Variants in TNRC6A observed in about 807,000 individuals in gnomAD.
TNRC6A encodes trinucleotide repeat-containing gene 6A protein.
A neutral mutation model predicts 221.2 loss-of-function variants in TNRC6A; 44 were observed. The observed-to-expected ratio is 0.20, with a 90% confidence interval of 0.16 to 0.26. The LOEUF (loss-of-function observed/expected upper bound fraction) is 0.26, where lower values mean the gene tolerates loss of function less well. TNRC6A is among the 10% of genes least tolerant of loss of function. The probability of loss-of-function intolerance (pLI) is 1.00; values close to 1 mark genes in which losing one functional copy is unlikely to be tolerated. For synonymous variants in TNRC6A, 847 were observed against 838.5 expected (o/e 1.01, Z -0.18); for missense variants, 2,199 against 2,404.4 (o/e 0.91, Z 1.79).
chr16:24,613,106 ACT>A (rs10584024), intron 1 of TNRC6A, among the ~76,000 whole-genome samples: 32,909 of 126,016 alleles, frequency 0.26, 4,523 homozygotes, highest in Middle Eastern at 0.35. Flanking sequence ...ACAGAGTGAG[ACT>A]CTGTCTCAAA....
chr16:24,729,607 A>G, upstream of TNRC6A: 2 of 414,934 alleles, frequency 4.8e-6, no homozygotes, highest in Non-Finnish European at 8.2e-6. Context: ...CTTGGGGGCC[A>G]GTGGCCGTGG....
At chr16:24,623,206 A>AT (rs368720787) in intron 1 of TNRC6A, among the ~76,000 whole-genome samples, 4,543 of 145,850 alleles carry the variant, frequency 0.031, 241 homozygotes, top group African/African-American at 0.11. Context: ...TATTTTATTT[A>AT]TTTTTTTTTT....
At chr16:24,763,111 G>C (rs2057398382) in intron 4 of TNRC6A, among the ~76,000 whole-genome samples, 1 of 152,112 alleles carries the variant, frequency 6.6e-6, no homozygotes, top group Non-Finnish European at 1.5e-5. Flanking sequence ...AAATGAACAA[G>C]AGTTTTGAGA....
intron 15 of TNRC6A, 67 bp from the exon 16 acceptor site, chr16:24,806,139 C>T: frequency 1.9e-6 from 3 of 1,578,052 alleles, no homozygotes; most frequent in South Asian, 1.1e-5. Flanking sequence ...CATCTGCTGT[C>T]GTCATTTGGA....
intron 2 of TNRC6A, among the ~76,000 whole-genome samples, chr16:24,644,632 T>G (rs1902181116): frequency 6.6e-6 from 1 of 152,050 alleles, no homozygotes; most frequent in South Asian, 2.1e-4. Flanking sequence ...TGTTTGTTTT[T>G]TGTAGAGTCA....
intron 4 of TNRC6A, among the ~76,000 whole-genome samples, chr16:24,759,781 T>G (rs2057324752): frequency 6.6e-6 from 1 of 152,070 alleles, no homozygotes; most frequent in Non-Finnish European, 1.5e-5. Flanking sequence ...GTGACAGATG[T>G]GTGAGGGATA....
At chr16:24,678,079 G>T (rs958570238) in intron 2 of TNRC6A, among the ~76,000 whole-genome samples, 6 of 152,246 alleles carry the variant, frequency 3.9e-5, no homozygotes, top group African/African-American at 1.4e-4. Flanking sequence ...GGAGGCCGAG[G>T]TGGGTGAATT....
chr16:24,806,405 A>G (rs1181484942), intron 16 of TNRC6A, 122 bp downstream of exon 16: 7 of 1,386,382 alleles, frequency 5.0e-6, no homozygotes, highest in Non-Finnish European at 5.9e-6. Context: ...GTAATGCAGT[A>G]TGTTTTTCAT....
intron 1 of TNRC6A, among the ~76,000 whole-genome samples, chr16:24,625,862 A>T (rs1900958378): frequency 6.6e-6 from 1 of 151,920 alleles, no homozygotes; most frequent in Non-Finnish European, 1.5e-5. Flanking sequence ...CAGTGAGCCG[A>T]GATCGCACCA....
intron 18 of TNRC6A, among the ~76,000 whole-genome samples, chr16:24,813,112 A>G (rs375296693): frequency 2.0e-5 from 3 of 151,990 alleles, no homozygotes; most frequent in East Asian, 3.9e-4. Flanking sequence ...CCTGAGCTCA[A>G]GTGATCCACC....
At chr16:24,682,898 A>G (rs114390242) in intron 2 of TNRC6A, among the ~76,000 whole-genome samples, 1,631 of 152,332 alleles carry the variant, frequency 0.011, 35 homozygotes, top group African/African-American at 0.037. Context: ...CAAGGCGTAC[A>G]CCAAGTGTTC....
At chr16:24,620,448 A>C (rs1354974945) in intron 1 of TNRC6A, among the ~76,000 whole-genome samples, 4 of 152,098 alleles carry the variant, frequency 2.6e-5, no homozygotes, top group Non-Finnish European at 5.9e-5. Flanking sequence ...CAAGTCAAAG[A>C]GTTTAGGCTT....
At chr16:24,784,164 G>A (rs575171845) in intron 5 of TNRC6A, among the ~76,000 whole-genome samples, 23 of 152,198 alleles carry the variant, frequency 1.5e-4, no homozygotes, top group African/African-American at 5.5e-4. Flanking sequence ...ACCACACCCG[G>A]TTAATTTTTG....
rs541227299 is a variant in TNRC6A, at chr16:24,766,514, C to T, written c.163+8154C>T. Among the ~76,000 whole-genome samples, 5 of 152,178 alleles carry T rather than the reference C, an allele frequency of 3.3e-5. No individual in the cohort carries two copies. In the South Asian group the frequency reaches 1.0e-3, roughly 32 times the overall value. ...CTTCCCATTAAAGTAGAACCCAGCCCAGCAAAGGTGAATCACAGTGCAGTG... is the reference window on the plus strand; with the variant it reads ...CTTCCCATTAAAGTAGAACCCAGCCTAGCAAAGGTGAATCACAGTGCAGTG... On this transcript the variant is annotated intron_variant, in intron 4 of 24. Transcript: ENST00000395799.
chr16:24,671,982 TA>T (rs1345667773), intron 2 of TNRC6A, among the ~76,000 whole-genome samples: 3 of 152,172 alleles, frequency 2.0e-5, no homozygotes, highest in African/African-American at 7.2e-5. Context: ...AAAACAGTCA[TA>T]AAAAGACATT....
At chr16:24,753,533 G>A (rs993256432) in intron 3 of TNRC6A, among the ~76,000 whole-genome samples, 1 of 152,208 alleles carries the variant, frequency 6.6e-6, no homozygotes, top group Non-Finnish European at 1.5e-5. Flanking sequence ...AGTGAGGACA[G>A]CTGGTATTTC....
rs765981732 is a variant in TNRC6A at position 24,730,271 on chromosome 16, T to C, written c.24T>C (p.Ala8=). 2 of 1,604,370 alleles carry C rather than the reference T, an allele frequency of 1.2e-6. No homozygotes were observed. Among genetic ancestry groups the C allele is most frequent in the Non-Finnish European group, 1.7e-6 (2 of 1,176,724 alleles). Residue 8 remains alanine (A), a synonymous_variant, in exon 2 of 25, where the codon GCT becomes GCC. Transcript: ENST00000395799. ...GTTTCAGAGAATTGGAAGCTAAAGC[T>C]ACCAAAGACGTAGAAAGAAATCTTA... MRELEAK[A]TKDVERNLSR... is the part of the protein sequence containing the mutation.
At chr16:24,642,455 A>T (rs1293060428) in intron 2 of TNRC6A, among the ~76,000 whole-genome samples, 2 of 152,136 alleles carry the variant, frequency 1.3e-5, no homozygotes, top group African/African-American at 4.8e-5. Flanking sequence ...GCAAGGCATC[A>T]AATAGGGACA....
intron 5 of TNRC6A, among the ~76,000 whole-genome samples, chr16:24,780,442 A>C (rs1026575667): frequency 2.0e-5 from 3 of 152,102 alleles, no homozygotes; most frequent in Non-Finnish European, 4.4e-5. Context: ...GAACAACAAC[A>C]ATATCTTCTG....
Sources: gnomAD v4.1 joint callset for allele counts (sites outside exome capture counted in the v4.1 genomes callset) on GRCh38, gnomAD v4.1.1 for gene constraint, MANE v1.5 for transcripts, NCBI Gene and HGNC (gene_info 2026-07-23, HGNC 2026-07-21) for gene names.